CSMD1: variants seen among roughly 807,000 people sequenced by gnomAD.
The protein encoded by CSMD1 is CUB and Sushi multiple domains 1.
In CSMD1, 213 loss-of-function variants were observed where a neutral mutation model predicts 417.5. That is an observed-to-expected ratio of 0.51 (90% CI 0.46 to 0.57). CSMD1 has a LOEUF of 0.57. CSMD1 is among the 20% of genes least tolerant of loss of function. CSMD1 has a pLI of 0.00. For missense variants in CSMD1, 6,923 were observed against 4,529.7 expected (o/e 1.53, Z -15.17); for synonymous variants, 2,862 against 1,736.8 (o/e 1.65, Z -16.11).
intron 1 of CSMD1, among the ~76,000 whole-genome samples, chr8:4,749,754 C>T (rs1469994336): frequency 6.6e-6 from 1 of 152,030 alleles, no homozygotes; most frequent in African/African-American, 2.4e-5. Context: ...AAATAATATA[C>T]ACCATCTAGA....
intron 6 of CSMD1, among the ~76,000 whole-genome samples, chr8:3,739,779 C>G (rs1796699105): frequency 1.3e-5 from 1 of 75,770 alleles, no homozygotes; most frequent in African/African-American, 3.9e-5. Flanking sequence ...CAGCTGAGAT[C>G]AATGGAAAAA....
intron 3 of CSMD1, among the ~76,000 whole-genome samples, chr8:4,258,200 C>A (rs968308800): frequency 1.3e-5 from 2 of 149,862 alleles, no homozygotes; most frequent in Non-Finnish European, 3.0e-5. Context: ...CTGGCTTGGC[C>A]TTCCAAAGTT....
intron 6 of CSMD1, among the ~76,000 whole-genome samples, chr8:3,740,055 G>A (rs761955601): frequency 3.3e-5 from 5 of 152,126 alleles, no homozygotes; most frequent in Non-Finnish European, 5.9e-5. Context: ...ACAATATGCT[G>A]TTTTTCATAG....
chr8:4,136,370 G>A (rs182453876), intron 3 of CSMD1, among the ~76,000 whole-genome samples: 8 of 152,092 alleles, frequency 5.3e-5, no homozygotes, highest in Admixed American at 4.6e-4. Flanking sequence ...CACAAATGAA[G>A]CTGCCTGCCT....
intron 39 of CSMD1, among the ~76,000 whole-genome samples, chr8:3,156,461 T>C (rs183687193): frequency 1.3e-5 from 2 of 152,278 alleles, no homozygotes; most frequent in Non-Finnish European, 2.9e-5. Flanking sequence ...TTGGGGATTG[T>C]AGAAGGGCAA....
chr8:3,360,588 G>A (rs540517388), intron 20 of CSMD1, among the ~76,000 whole-genome samples: 1 of 152,104 alleles, frequency 6.6e-6, no homozygotes, highest in African/African-American at 2.4e-5. Flanking sequence ...GGAATGGTAA[G>A]AAGAGTTTCA....
chr8:3,885,168 G>A (rs1027628860), intron 5 of CSMD1, among the ~76,000 whole-genome samples: 2 of 152,086 alleles, frequency 1.3e-5, no homozygotes, highest in East Asian at 3.9e-4. Flanking sequence ...TATCAGCGTT[G>A]AGTTTATTAA....
chr8:4,198,076 C>A (rs376608332), intron 3 of CSMD1, among the ~76,000 whole-genome samples: 17 of 152,160 alleles, frequency 1.1e-4, no homozygotes, highest in Non-Finnish European at 2.5e-4. Context: ...AAGCGCAAAG[C>A]GAGGGAAGTC....
chr8:4,110,925 G>C (rs973212262), intron 3 of CSMD1, among the ~76,000 whole-genome samples: 3 of 152,134 alleles, frequency 2.0e-5, no homozygotes, highest in Middle Eastern at 3.4e-3. Flanking sequence ...TGACATTCTA[G>C]AAGTACTCAG....
chr8:3,845,750 A>G (rs1260941163), intron 5 of CSMD1, among the ~76,000 whole-genome samples: 1 of 152,174 alleles, frequency 6.6e-6, no homozygotes. Flanking sequence ...ACAATAACAC[A>G]TAGCTCAGAA....
intron 3 of CSMD1, among the ~76,000 whole-genome samples, chr8:4,141,693 G>C (rs1356298543): frequency 6.6e-6 from 1 of 151,064 alleles, no homozygotes; most frequent in Non-Finnish European, 1.5e-5. Flanking sequence ...CTTAAATTTT[G>C]GAGAGCAGGC....
Position 3,766,900 on chromosome 8 carries a change from C to G in CSMD1, c.819-12858G>C, listed in dbSNP as rs548951911. 3.3e-5 allele frequency among the ~76,000 whole-genome samples: 5 copies of G among 152,082 alleles called. 1 individual carries two copies. The highest frequency in any genetic ancestry group is 5.9e-5 in the Non-Finnish European group (4 of 68,022). On this transcript the variant is annotated intron_variant, in intron 5 of 69. Coordinates refer to ENST00000635120, the MANE Select transcript of CSMD1 (RefSeq NM_033225.6). Reference sequence around the variant, plus strand: ...TATCACTTGATAGACTGACGCAGACCTTGTTCAGTCAGCTGGTAAGATATC... The same window carrying G: ...TATCACTTGATAGACTGACGCAGACGTTGTTCAGTCAGCTGGTAAGATATC...
At chr8:3,839,876 A>T (rs1261132101) in intron 5 of CSMD1, among the ~76,000 whole-genome samples, 1 of 151,894 alleles carries the variant, frequency 6.6e-6, no homozygotes, top group Non-Finnish European at 1.5e-5. Context: ...GTTTCTAAGG[A>T]TCAGAACAGC....
rs370831822 is a variant in CSMD1, at chr8:4,969,858, G to A, written c.85+24474C>T. Among the ~76,000 whole-genome samples the A allele has an allele frequency of 1.3e-4, 19 of 151,792 alleles. No homozygotes were observed. In the East Asian group the frequency reaches 3.7e-3, roughly 29 times the overall value. ...ATTTTCTCTCTCTTTACTTAAACAA[G>A]TAGGATATAGTGTCACTACGAGTGT... On this transcript the variant is annotated intron_variant, in intron 1 of 69. Transcript: ENST00000635120.
chr8:4,694,147 T>C (rs1047712802), intron 1 of CSMD1, among the ~76,000 whole-genome samples: 4 of 152,168 alleles, frequency 2.6e-5, no homozygotes, highest in African/African-American at 9.7e-5. Context: ...GGAATTTCCT[T>C]GTGGACAAAA....
intron 5 of CSMD1, among the ~76,000 whole-genome samples, chr8:3,814,174 G>C (rs1260068760): frequency 6.6e-6 from 1 of 152,178 alleles, no homozygotes; most frequent in Non-Finnish European, 1.5e-5. Flanking sequence ...TGGAAGTCAA[G>C]ATGCAAACTG....
intron 3 of CSMD1, among the ~76,000 whole-genome samples, chr8:4,161,073 T>C (rs1479580517): frequency 1.3e-5 from 2 of 151,548 alleles, no homozygotes; most frequent in South Asian, 2.1e-4. Context: ...TTGCAGGAAA[T>C]GTAAATAATG....
chr8:3,141,759 T>C (rs1026037458), intron 41 of CSMD1, among the ~76,000 whole-genome samples: 1 of 151,048 alleles, frequency 6.6e-6, no homozygotes, highest in Admixed American at 6.6e-5. Flanking sequence ...ACCTGACCAA[T>C]GAGCACTACC....
intron 6 of CSMD1, among the ~76,000 whole-genome samples, chr8:3,744,435 C>T (rs6994739): frequency 6.6e-6 from 1 of 151,888 alleles, no homozygotes; most frequent in Non-Finnish European, 1.5e-5. Flanking sequence ...AAGATTTTAA[C>T]CAGGAAAAAA....
Sources: gnomAD v4.1 joint callset for allele counts (sites outside exome capture counted in the v4.1 genomes callset) on GRCh38, gnomAD v4.1.1 for gene constraint, MANE v1.5 for transcripts, NCBI Gene and HGNC (gene_info 2026-07-23, HGNC 2026-07-21) for gene names.